Variants in PTPRN2 observed in about 807,000 individuals in gnomAD.
PTPRN2 encodes the protein receptor-type tyrosine-protein phosphatase N2.
Under a neutral mutation model 118.8 loss-of-function variants are expected in PTPRN2, and 74 were observed. The observed-to-expected ratio is 0.62, with a 90% CI of 0.52 to 0.76. PTPRN2 has a LOEUF of 0.76. Among genes scored for constraint, PTPRN2 ranks in the 30% least tolerant of loss-of-function variants. The pLI, the probability that PTPRN2 is intolerant of heterozygous loss-of-function variation, is 0.00. For missense variants in PTPRN2, 1,481 were observed against 1,394.4 expected (o/e 1.06, Z -0.99); for synonymous variants, 641 against 608.0 (o/e 1.05, Z -0.80).
chr7:157,984,397 C>CAT lies in PTPRN2; in HGVS notation c.1724-85661_1724-85660insAT, dbSNP rs1476562550. Among the ~76,000 whole-genome samples the CAT allele has an allele frequency of 5.3e-3, 38 of 7,130 alleles. 2 individuals carry two copies. Among genetic ancestry groups the CAT allele is most frequent in the Admixed American group, 7.8e-3 (5 of 642 alleles). The allele number at this position is 7,130 out of a possible 152,430, so 4.7% of individuals were successfully genotyped here. Reference sequence around the variant, plus strand: ...CCACCCCCCACGCCAGGCTCCACCCCCCCACGCCAGGCTCCACCCCATCCC... The same window carrying CAT: ...CCACCCCCCACGCCAGGCTCCACCCCATCCCACGCCAGGCTCCACCCCATCCC... On this transcript the variant is annotated intron_variant, in intron 11 of 22. Coordinates refer to ENST00000389418, the MANE Select transcript of PTPRN2 (RefSeq NM_002847.5).
chr7:158,185,444 A>G (rs1003889707), intron 5 of PTPRN2, among the ~76,000 whole-genome samples: 1 of 152,202 alleles, frequency 6.6e-6, no homozygotes, highest in Non-Finnish European at 1.5e-5. Flanking sequence ...TTACTGACAG[A>G]GGAGAGTTTC....
intron 2 of PTPRN2, among the ~76,000 whole-genome samples, chr7:158,419,972 T>C (rs1372346662): frequency 6.6e-6 from 1 of 152,184 alleles, no homozygotes; most frequent in Non-Finnish European, 1.5e-5. Context: ...CTGCATTCTT[T>C]ACTCAACAGG....
intron 3 of PTPRN2, among the ~76,000 whole-genome samples, chr7:158,221,688 C>T (rs1196898538): frequency 1.3e-5 from 2 of 152,124 alleles, no homozygotes; most frequent in East Asian, 3.9e-4. Context: ...GAGACTTATT[C>T]ACTAACATGA....
chr7:157,613,968 C>G, intron 15 of PTPRN2: 1 of 468,528 alleles, frequency 2.1e-6, no homozygotes. Flanking sequence ...ACAACTGTGA[C>G]TCTGTGAGCT....
At chr7:157,759,333 G>A (rs747634864) in intron 12 of PTPRN2, among the ~76,000 whole-genome samples, 4 of 152,218 alleles carry the variant, frequency 2.6e-5, no homozygotes, top group South Asian at 2.1e-4. Context: ...AGGCAGCATC[G>A]GGGAGCGATG....
chr7:158,253,260 G>C (rs1264314707), intron 3 of PTPRN2, among the ~76,000 whole-genome samples: 1 of 151,100 alleles, frequency 6.6e-6, no homozygotes, highest in Non-Finnish European at 1.5e-5. Context: ...CTGAGGACTG[G>C]AGGACTGACC....
intron 9 of PTPRN2, among the ~76,000 whole-genome samples, chr7:158,133,036 T>G (rs891717969): frequency 2.0e-5 from 3 of 152,250 alleles, no homozygotes; most frequent in Admixed American, 1.3e-4. Flanking sequence ...GCCAGCCACT[T>G]GTGCCTTGCT....
At chr7:158,232,675 T>C (rs1459062354) in intron 3 of PTPRN2, among the ~76,000 whole-genome samples, 1 of 151,844 alleles carries the variant, frequency 6.6e-6, no homozygotes, top group Non-Finnish European at 1.5e-5. Flanking sequence ...CACAAAAATC[T>C]TCAACAAAAT....
At chr7:158,560,343 G>C (rs1031704258) in intron 1 of PTPRN2, among the ~76,000 whole-genome samples, 30 of 152,294 alleles carry the variant, frequency 2.0e-4, no homozygotes, top group African/African-American at 7.2e-4. Context: ...GTACCCAGAA[G>C]TGGGCGTGTT....
intron 3 of PTPRN2, among the ~76,000 whole-genome samples, chr7:158,232,598 T>A (rs1829232043): frequency 6.6e-6 from 1 of 151,738 alleles, no homozygotes; most frequent in African/African-American, 2.4e-5. Context: ...TTCTATGAGG[T>A]CAGTGTTACC....
Position 158,526,328 on chromosome 7 carries a change from C to CA in PTPRN2, c.113-36544dup, listed in dbSNP as rs1381119590. Among the ~76,000 whole-genome samples, 4 of 152,196 alleles carry CA rather than the reference C, an allele frequency of 2.6e-5. No homozygotes were observed. The highest frequency in any genetic ancestry group is 9.7e-5 in the African/African-American group (4 of 41,450). Reference sequence around the variant, plus strand: ...CTTCCCGGTGAGCTCGGCAGGGCTGCATCTCTCCCGTGGGACGCTGCAGAG... The same window carrying CA: ...CTTCCCGGTGAGCTCGGCAGGGCTGCAATCTCTCCCGTGGGACGCTGCAGAG... On this transcript the variant is annotated intron_variant, in intron 1 of 22. Coordinates refer to ENST00000389418, the MANE Select transcript of PTPRN2 (RefSeq NM_002847.5). This position sits in a 1 kb window ranked among gnomAD's most constrained non-coding sequence, Gnocchi z 5.2.
chr7:157,675,887 C>T (rs917925789), intron 13 of PTPRN2, among the ~76,000 whole-genome samples: 1 of 152,140 alleles, frequency 6.6e-6, no homozygotes, highest in Non-Finnish European at 1.5e-5. Context: ...GGCAATGGCA[C>T]CTTTCTTCCA....
intron 14 of PTPRN2, among the ~76,000 whole-genome samples, chr7:157,634,369 C>T (rs748951519): frequency 6.6e-6 from 1 of 152,156 alleles, no homozygotes; most frequent in Non-Finnish European, 1.5e-5. Flanking sequence ...GCAAGACATT[C>T]AGATATTGAA....
At chr7:157,567,229 T>G (rs981251835) in intron 21 of PTPRN2, among the ~76,000 whole-genome samples, 2 of 152,216 alleles carry the variant, frequency 1.3e-5, no homozygotes, top group African/African-American at 4.8e-5. Flanking sequence ...AAAGTTAGGA[T>G]TGTGTCATGT....
intron 2 of PTPRN2, among the ~76,000 whole-genome samples, chr7:158,342,937 C>G (rs1326068120): frequency 1.3e-5 from 2 of 152,136 alleles, no homozygotes; most frequent in African/African-American, 2.4e-5. Context: ...GCAGGGTGGA[C>G]AAGTGCTGGG....
At chr7:157,930,576 G>C (rs1490210201) in intron 11 of PTPRN2, among the ~76,000 whole-genome samples, 1 of 152,232 alleles carries the variant, frequency 6.6e-6, no homozygotes, top group Non-Finnish European at 1.5e-5. Context: ...GAGCACCGGA[G>C]GGTGCCAAGG....
intron 12 of PTPRN2, among the ~76,000 whole-genome samples, chr7:157,888,075 G>A (rs77541769): frequency 0.12 from 18,253 of 151,198 alleles, 1,140 homozygotes; most frequent in East Asian, 0.19. Flanking sequence ...GTGAGTGAAT[G>A]TTTCTGGAGA....
chr7:158,070,644 CCATGGTGGTGGAGGTGCT>C (rs1563387456), intron 11 of PTPRN2, among the ~76,000 whole-genome samples: 1 of 85,978 alleles, frequency 1.2e-5, no homozygotes, highest in Non-Finnish European at 2.2e-5. Context: ...GTGGAGGTGC[CCATGGTGGTGGAGGTGCT>C]CCTGGTGGTG....
chr7:157,755,381 G>A (rs1328097505), intron 12 of PTPRN2, among the ~76,000 whole-genome samples: 1 of 152,036 alleles, frequency 6.6e-6, no homozygotes, highest in Admixed American at 6.6e-5. Context: ...TTTAGTCCTG[G>A]GTACGAATGG....
Sources: gnomAD v4.1 joint callset for allele counts (sites outside exome capture counted in the v4.1 genomes callset) on GRCh38, gnomAD v4.1.1 for gene constraint, Gnocchi (gnomAD v3.1) non-coding constraint, MANE v1.5 for transcripts, NCBI Gene and HGNC (gene_info 2026-07-23, HGNC 2026-07-21) for gene names.